The following SLC14A1 variants were observed in gnomAD, a reference collection of about 807,000 sequenced individuals.
SLC14A1 encodes the protein solute carrier family 14 member 1 (Kidd blood group).
SLC14A1 carries 36 observed loss-of-function variants against 39.6 expected under a neutral mutation model. That is an observed-to-expected ratio of 0.91 (90% CI 0.70 to 1.20). SLC14A1 has a LOEUF of 1.20. Among genes scored for constraint, SLC14A1 ranks in the 50% most tolerant of loss-of-function variants. SLC14A1 has a pLI of 0.00. For missense variants in SLC14A1, 469 were observed against 478.7 expected, an observed-to-expected ratio of 0.98 and a Z score of 0.19; for synonymous variants, 164 against 173.6, an observed-to-expected ratio of 0.94 and a Z score of 0.43.
In SLC14A1 at chr18:45,727,512, G is replaced by A. The variant is rs2144735727; in HGVS notation, c.-22+2499G>A. On this transcript the variant is annotated intron_variant, in intron 2 of 9. Coordinates refer to ENST00000321925, the MANE Select transcript of SLC14A1 (RefSeq NM_015865.7). Reference sequence around the variant, plus strand: ...TTCCGGGCAGAGCCTGGGAAGTGGGGGTTGGCTGTGAGCTAAGCCAAAGGC... The same window carrying A: ...TTCCGGGCAGAGCCTGGGAAGTGGGAGTTGGCTGTGAGCTAAGCCAAAGGC... 4 of 1,404,514 alleles carry A rather than the reference G, an allele frequency of 2.8e-6. No homozygotes were observed. In the East Asian group the frequency reaches 7.5e-5, roughly 26 times the overall value. 87.0% of individuals were successfully genotyped at this position (1,404,514 alleles called of 1,614,324 possible).
chr18:45,750,712 T>C lies in SLC14A1; in HGVS notation c.*761T>C. On this transcript the variant is annotated 3_prime_UTR_variant, in exon 10 of 10. Transcript: ENST00000321925. ...ATGATCTGTTTTAAATGAGATAAAA[T>C]AGGAGAAGTTCCTGGCTTAACCTGT... 1.0e-6 allele frequency: 1 copy of C among 984,804 alleles called. No homozygotes were observed. The highest frequency in any genetic ancestry group is 1.2e-6 in the Non-Finnish European group (1 of 829,346). The allele number at this position is 984,804 out of a possible 1,614,324, so 61.0% of individuals were successfully genotyped here. A position where few individuals can be genotyped will look rare whatever the true frequency, so the allele number is the denominator to read the frequency against.
chr18:45,748,545 C>A, intron 9 of SLC14A1, 120 bp downstream of exon 9: 1 of 988,568 alleles, frequency 1.0e-6, no homozygotes, highest in Non-Finnish European at 1.6e-6. Context: ...CCATGAGAAG[C>A]ACTGCTCTCC....
Position 45,751,658 on chromosome 18 carries a change from C to A in SLC14A1, c.*1707C>A. The A allele has an allele frequency of 2.3e-6, 1 of 427,006 alleles. No individual in the cohort carries two copies. The highest frequency in any genetic ancestry group is 3.1e-6 in the Non-Finnish European group (1 of 320,348). The allele number at this position is 427,006 out of a possible 1,614,324, so 26.5% of individuals were successfully genotyped here. ...ATTAGCCAGGTGTAGCAGCACACAT[C>A]TGCAGCAGCTACTCAGGAGGCTGAG... On this transcript the variant is annotated 3_prime_UTR_variant, in exon 10 of 10. Coordinates refer to ENST00000321925, the MANE Select transcript of SLC14A1 (RefSeq NM_015865.7).
chr18:45,729,312 G>A (rs1017687626), intron 2 of SLC14A1: 3 of 152,188 alleles, frequency 2.0e-5, no homozygotes, highest in Admixed American at 1.3e-4. Context: ...CCCTCAGCCT[G>A]CCTCTGGGAT....
At chr18:45,734,250 C>G (rs202136116) in intron 4 of SLC14A1, 24 bp from the exon 5 acceptor site, 47 of 1,613,392 alleles carry the variant, frequency 2.9e-5, no homozygotes, top group Non-Finnish European at 3.7e-5. Flanking sequence ...AGGAAATGTC[C>G]GTGCTGTGTC....
rs751697666 is a variant in SLC14A1 at position 45,748,360 on chromosome 18, C to CT, written c.947-7dup. 1,865 of 1,471,164 alleles carry CT rather than the reference C, an allele frequency of 1.3e-3. No homozygotes were observed. The highest frequency in any genetic ancestry group is 1.5e-3 in the Non-Finnish European group (1,557 of 1,059,312). The allele number at this position is 1,471,164 out of a possible 1,614,324, so 91.1% of individuals were successfully genotyped here. On this transcript the variant is annotated splice_polypyrimidine_tract_variant and intron_variant, in intron 8 of 9. Transcript: ENST00000321925. ...TCTACGAAGCATTGTTCTTTCCCTC[C>CT]TTTTTTTTTCTGTAGCCCTGTTCAC...
rs1229102748 is a variant in SLC14A1 at position 45,730,361 on chromosome 18, C to T, written c.41C>T (p.Thr14Ile). The change falls in exon 3 of 10, where the codon ACT (threonine) becomes ATT (isoleucine). Residue 14 changes from threonine to isoleucine, a missense_variant. Physicochemically the swap from Thr to Ile is moderately conservative, Grantham distance 89. Coordinates refer to ENST00000321925, the MANE Select transcript of SLC14A1 (RefSeq NM_015865.7). ...ACTATGGTTAGAGTGGACAGCCCCA[C>T]TATGGTTAGGGGTGAAAACCAGGTT... The part of the protein sequence containing the change: ...SPTMVRVDSP[T>I]MVRGENQVSP... 3.1e-6 allele frequency: 5 copies of T among 1,613,780 alleles called. No individual in the cohort carries two copies. In the African/African-American group the frequency reaches 5.4e-5, roughly 17 times the overall value.
At position 45,734,251 on chromosome 18, in the gene SLC14A1, G is replaced by A. The variant is rs377318707; in HGVS notation, c.342-23G>A. The A allele has an allele frequency of 2.0e-4, 328 of 1,613,540 alleles. 1 individual carries two copies. Among genetic ancestry groups the A allele is most frequent in the Middle Eastern group, 1.3e-3 (8 of 6,076 alleles). On this transcript the variant is annotated intron_variant, in intron 4 of 9. Coordinates refer to ENST00000321925, the MANE Select transcript of SLC14A1 (RefSeq NM_015865.7). ...ACCAAAGCTCACCCAGGAAATGTCC[G>A]TGCTGTGTCTCTTGCCCCACAGGTC...
chr18:45,736,695 G>C lies in SLC14A1; in HGVS notation c.663+47G>C, dbSNP rs773564668. Reference sequence around the variant, plus strand: ...CATTCGCCCTGGCTCTGCAAGATACGCAATGGCCTCCTGGTCAACTGTCCA... The same window carrying C: ...CATTCGCCCTGGCTCTGCAAGATACCCAATGGCCTCCTGGTCAACTGTCCA... On this transcript the variant is annotated intron_variant, in intron 6 of 9. Coordinates refer to ENST00000321925, the MANE Select transcript of SLC14A1 (RefSeq NM_015865.7). 2.0e-6 allele frequency: 3 copies of C among 1,537,322 alleles called. 1 individual carries two copies. The South Asian group carries it at 3.4e-5, about 17-fold the overall frequency.
At chr18:45,741,035 G>C (rs975774056) in intron 8 of SLC14A1, 1 of 152,268 alleles carries the variant, frequency 6.6e-6, no homozygotes, top group South Asian at 2.1e-4. Flanking sequence ...GAGAGGCTAA[G>C]GGATGTGCCG....
chr18:45,738,041 T>C (rs1201337383), intron 6 of SLC14A1, among the ~76,000 whole-genome samples: 1 of 152,174 alleles, frequency 6.6e-6, no homozygotes, highest in Non-Finnish European at 1.5e-5. Context: ...TTCCCTGGTC[T>C]AGAAATAGCA....
At chr18:45,727,033 C>A in intron 2 of SLC14A1, 1 of 477,252 alleles carries the variant, frequency 2.1e-6, no homozygotes, top group South Asian at 2.6e-5. Flanking sequence ...AGTAAATGAA[C>A]ATCAAATTTC....
At chr18:45,736,747 A>G in intron 6 of SLC14A1, 99 bp downstream of exon 6, 3 of 1,032,946 alleles carry the variant, frequency 2.9e-6, no homozygotes, top group South Asian at 1.3e-5. Flanking sequence ...CTAGATGCTC[A>G]GGACTATGGT....
rs954502610 is a variant in SLC14A1, at chr18:45,749,710, G to A, written c.997-68G>A. 35 of 1,581,382 alleles carry A rather than the reference G, an allele frequency of 2.2e-5. No homozygotes were observed. The African/African-American group carries it at 4.5e-4, about 20-fold the overall frequency. The stretch of plus-strand genomic sequence containing the variant: ...CCTGGGCTGAATGCAAGTAGAGGGG[G>A]ATGCCTTGTGCAGCTCAGCTGTCAG... On this transcript the variant is annotated intron_variant, in intron 9 of 9. Coordinates refer to ENST00000321925, the MANE Select transcript of SLC14A1 (RefSeq NM_015865.7).
intron 8 of SLC14A1, among the ~76,000 whole-genome samples, chr18:45,746,294 T>C (rs1425922649): frequency 3.3e-5 from 5 of 152,222 alleles, no homozygotes; most frequent in African/African-American, 4.8e-5. Flanking sequence ...GTCAGGGTCA[T>C]TGCCTACAAA....
chr18:45,727,186 C>G, intron 2 of SLC14A1: 3 of 1,430,038 alleles, frequency 2.1e-6, no homozygotes, highest in Non-Finnish European at 2.9e-6. Flanking sequence ...CCTCAGCTTG[C>G]CTTTTGCGTG....
At chr18:45,735,922 T>C (rs2047181006) in intron 5 of SLC14A1, among the ~76,000 whole-genome samples, 1 of 152,188 alleles carries the variant, frequency 6.6e-6, no homozygotes, top group African/African-American at 2.4e-5. Flanking sequence ...GCCTAGGTCA[T>C]GCAATTTATC....
chr18:45,736,384 C>T (rs1051768130), intron 5 of SLC14A1, 72 bp from the exon 6 acceptor site: 1 of 1,477,354 alleles, frequency 6.8e-7, no homozygotes, highest in Non-Finnish European at 9.5e-7. Flanking sequence ...CAAAGCCCCT[C>T]CAGAGTATAG....
At chr18:45,741,046 C>T (rs1271178217) in intron 8 of SLC14A1, 1 of 152,290 alleles carries the variant, frequency 6.6e-6, no homozygotes, top group Non-Finnish European at 1.5e-5. Flanking sequence ...GGATGTGCCG[C>T]AGGGAATCTG....
Sources: gnomAD v4.1 joint callset for allele counts (sites outside exome capture counted in the v4.1 genomes callset) on GRCh38, gnomAD v4.1.1 for gene constraint, MANE v1.5 for transcripts, NCBI Gene and HGNC (gene_info 2026-07-23, HGNC 2026-07-21) for gene names.